SHROOM3: variants seen among roughly 807,000 people sequenced by gnomAD.
The protein encoded by SHROOM3 is shroom family member 3.
In SHROOM3, 47 loss-of-function variants were observed where a neutral mutation model predicts 138.6. The observed-to-expected ratio is 0.34, with a 90% CI of 0.27 to 0.43. The LOEUF (loss-of-function observed/expected upper bound fraction) is 0.43. Among genes scored for constraint, SHROOM3 ranks in the 20% least tolerant of loss-of-function variants. The pLI is 1.00. For missense variants in SHROOM3, 2,491 were observed against 2,596.5 expected, an observed-to-expected ratio of 0.96 and a Z score of 0.88; for synonymous variants, 1,062 against 1,063.3, an observed-to-expected ratio of 1.00 and a Z score of 0.02.
At chr4:76,722,863 G>A (rs572348695) in intron 3 of SHROOM3, among the ~76,000 whole-genome samples, 32 of 151,838 alleles carry the variant, frequency 2.1e-4, no homozygotes, top group Admixed American at 1.6e-3. Flanking sequence ...ATAGTATTGC[G>A]CACTAAACAA....
chr4:76,625,706 C>T (rs1181474275), intron 2 of SHROOM3, among the ~76,000 whole-genome samples: 3 of 152,154 alleles, frequency 2.0e-5, no homozygotes, highest in Non-Finnish European at 4.4e-5. Flanking sequence ...CTGCCTCTTC[C>T]TATGTGTTAC....
chr4:76,462,977 G>A (rs898328436), intron 1 of SHROOM3, among the ~76,000 whole-genome samples: 1 of 152,172 alleles, frequency 6.6e-6, no homozygotes, highest in East Asian at 1.9e-4. Flanking sequence ...TGGTAGAGAA[G>A]GGGGGCATTG....
intron 1 of SHROOM3, among the ~76,000 whole-genome samples, chr4:76,448,977 C>T (rs1452084764): frequency 6.6e-6 from 1 of 152,182 alleles, no homozygotes; most frequent in Non-Finnish European, 1.5e-5. Flanking sequence ...TTGTAGTTCT[C>T]TCTTTCGGTC....
chr4:76,668,076 T>C (rs1049378344), intron 2 of SHROOM3, among the ~76,000 whole-genome samples: 15 of 147,088 alleles, frequency 1.0e-4, no homozygotes, highest in African/African-American at 3.3e-4. Context: ...TGCAGCCTCC[T>C]CCTGCAGCTC....
In SHROOM3 at chr4:76,739,627, T is replaced by C; in HGVS notation, c.1454T>C (p.Val485Ala). 3.7e-6 allele frequency: 6 copies of C among 1,614,080 alleles called. No individual in the cohort carries two copies. Among genetic ancestry groups the C allele is most frequent in the African/African-American group, 1.3e-5 (1 of 75,004 alleles). Residue 485 changes from valine (V) to alanine (A), a missense_variant, in exon 5 of 11, where the codon GTG becomes GCG. Transcript: ENST00000296043. Reference sequence around the variant, plus strand: ...TTTGCCCAGGTGCCTCAGCCTTCTGTGAGTAGCAACGGTATGCTCTACCCT... The same window carrying C: ...TTTGCCCAGGTGCCTCAGCCTTCTGCGAGTAGCAACGGTATGCTCTACCCT... ...PHFAQVPQPS[V>A]SSNGMLYPAL...
At chr4:76,602,613 T>C (rs775798118) in intron 2 of SHROOM3, among the ~76,000 whole-genome samples, 6 of 152,206 alleles carry the variant, frequency 3.9e-5, no homozygotes, top group Non-Finnish European at 8.8e-5. Context: ...TTATATGAAA[T>C]AGGTTGGTGT....
At chr4:76,630,092 C>T (rs1256886958) in intron 2 of SHROOM3, among the ~76,000 whole-genome samples, 1 of 152,200 alleles carries the variant, frequency 6.6e-6, no homozygotes, top group Non-Finnish European at 1.5e-5. Flanking sequence ...CTGCACCAAT[C>T]ATAACCAGCT....
At chr4:76,683,185 A>G (rs1719246667) in intron 2 of SHROOM3, among the ~76,000 whole-genome samples, 1 of 152,164 alleles carries the variant, frequency 6.6e-6, no homozygotes, top group African/African-American at 2.4e-5. Flanking sequence ...TTTGCTGAAT[A>G]GTTTTTTTTT....
chr4:76,441,219 C>T (rs546824652), intron 1 of SHROOM3, among the ~76,000 whole-genome samples: 2 of 151,218 alleles, frequency 1.3e-5, no homozygotes, highest in African/African-American at 4.9e-5. Flanking sequence ...CTCAGACTCC[C>T]AAGTAGCTGG....
At chr4:76,706,062 G>C (rs929070045) in intron 2 of SHROOM3, among the ~76,000 whole-genome samples, 1 of 152,136 alleles carries the variant, frequency 6.6e-6, no homozygotes, top group Non-Finnish European at 1.5e-5. Context: ...TATGCATTAC[G>C]TACTGTATTC....
intron 2 of SHROOM3, among the ~76,000 whole-genome samples, chr4:76,593,108 T>G (rs1242112121): frequency 2.0e-5 from 3 of 152,102 alleles, no homozygotes; most frequent in Non-Finnish European, 4.4e-5. Flanking sequence ...TCATTTAGAG[T>G]CAGGGATATT....
rs1195704733 is a variant in SHROOM3 at position 76,741,001 on chromosome 4, G to A, written c.2828G>A (p.Arg943His). The change falls in exon 5 of 11, where the codon CGT becomes CAT. Residue 943 changes from arginine to histidine, a missense_variant. Arg to His is a conservative substitution (Grantham distance 29, BLOSUM62 0). This residue lies in a region of SHROOM3 where 1,733 missense variants were observed against 1,661.6 expected (regional missense o/e 1.04). Transcript: ENST00000296043. This position sits in a 1 kb window ranked among gnomAD's most constrained non-coding sequence, Gnocchi z 6.2. ...GTCTTGGGGGCCACCTCCTTTCGAC[G>A]TCGAGACCTGGAGCTGGGGGCGCCC... ...SRVLGATSFR[R>H]RDLELGAPVA... 2.0e-6 allele frequency: 3 copies of A among 1,488,090 alleles called. No homozygotes were observed. The highest frequency in any genetic ancestry group is 1.4e-5 in the African/African-American group (1 of 70,626). The allele number at this position is 1,488,090 out of a possible 1,614,324, so 92.2% of individuals were successfully genotyped here. A position where few individuals can be genotyped will look rare whatever the true frequency, so the allele number is the denominator to read the frequency against.
intron 2 of SHROOM3, among the ~76,000 whole-genome samples, chr4:76,622,585 T>C (rs1475850216): frequency 6.6e-6 from 1 of 152,080 alleles, no homozygotes; most frequent in Non-Finnish European, 1.5e-5. Context: ...GAACCCTCTT[T>C]TAAGCAAATA....
intron 1 of SHROOM3, among the ~76,000 whole-genome samples, chr4:76,479,256 T>A (rs1235836831): frequency 6.6e-6 from 1 of 151,882 alleles, no homozygotes; most frequent in African/African-American, 2.4e-5. Context: ...AATTGCTAAC[T>A]AGAACACCCA....
chr4:76,648,130 C>A (rs945814851), intron 2 of SHROOM3, among the ~76,000 whole-genome samples: 1 of 151,912 alleles, frequency 6.6e-6, no homozygotes, highest in Non-Finnish European at 1.5e-5. Flanking sequence ...GAGTTCAAGA[C>A]CACCCTGAGC....
At chr4:76,768,347 A>G (rs966594934) in intron 9 of SHROOM3, among the ~76,000 whole-genome samples, 5 of 152,228 alleles carry the variant, frequency 3.3e-5, no homozygotes, top group Non-Finnish European at 2.9e-5. Flanking sequence ...TGCTGGAGGT[A>G]TATAACATGT....
intron 1 of SHROOM3, among the ~76,000 whole-genome samples, chr4:76,496,202 C>T (rs1731965443): frequency 6.6e-6 from 1 of 152,204 alleles, no homozygotes; most frequent in Non-Finnish European, 1.5e-5. Context: ...GGAGGGTGTG[C>T]TTCTGGGGTG....
At chr4:76,735,884 T>A (rs1428637096) in intron 4 of SHROOM3, among the ~76,000 whole-genome samples, 48 of 59,406 alleles carry the variant, frequency 8.1e-4, no homozygotes, top group Middle Eastern at 0.015. Context: ...TATATATATA[T>A]ATATATATAT....
chr4:76,684,848 T>G (rs1719293275), intron 2 of SHROOM3, among the ~76,000 whole-genome samples: 1 of 152,200 alleles, frequency 6.6e-6, no homozygotes, highest in African/African-American at 2.4e-5. Flanking sequence ...TTATAGAGTT[T>G]TCCTCCTTCA....
Sources: gnomAD v4.1 joint callset for allele counts (sites outside exome capture counted in the v4.1 genomes callset) on GRCh38, gnomAD v4.1.1 for gene constraint, gnomAD v4.1.1 regional missense constraint, Gnocchi (gnomAD v3.1) non-coding constraint, MANE v1.5 for transcripts, NCBI Gene and HGNC (gene_info 2026-07-23, HGNC 2026-07-21) for gene names.